Variants in ZC4H2 observed in about 807,000 individuals in gnomAD.
The protein encoded by ZC4H2 is zinc finger C4H2-type containing.
For missense variants in ZC4H2, 137 were observed against 173.9 expected (o/e 0.79, Z 1.19); for synonymous variants, 84 against 66.3 (o/e 1.27, Z -1.30).
chrX:64,944,141 CTTTTTT>C (rs746540220), intron 1 of ZC4H2, among the ~76,000 whole-genome samples: 4 of 89,175 alleles, frequency 4.5e-5, no homozygotes, highest in African/African-American at 1.7e-4. Context: ...TTTCTTTTTT[CTTTTTT>C]TTTTTTTTTT....
intron 1 of ZC4H2, among the ~76,000 whole-genome samples, chrX:64,925,411 A>G (rs1164345275): frequency 8.9e-6 from 1 of 112,318 alleles, no homozygotes; most frequent in East Asian, 2.8e-4. Flanking sequence ...CCTGAATCTA[A>G]AATTAAAACA....
intron 1 of ZC4H2, among the ~76,000 whole-genome samples, chrX:64,946,426 C>T (rs1428535285): frequency 9.0e-6 from 1 of 110,891 alleles, no homozygotes; most frequent in Non-Finnish European, 1.9e-5. Flanking sequence ...GTGGGCTGCA[C>T]CCGCTGTCTA....
At chrX:64,951,513 T>C (rs1930834212) in intron 1 of ZC4H2, among the ~76,000 whole-genome samples, 2 of 112,332 alleles carry the variant, frequency 1.8e-5, no homozygotes, top group Admixed American at 9.4e-5. Context: ...TGAGATGGTA[T>C]CTCAATTTGG....
intron 1 of ZC4H2, among the ~76,000 whole-genome samples, chrX:64,937,694 A>C (rs1266730593): frequency 1.8e-5 from 2 of 111,980 alleles, no homozygotes; most frequent in African/African-American, 6.5e-5. Flanking sequence ...CTAGGTAATT[A>C]ATGAAATGAA....
At chrX:65,017,351 A>G (rs1399354925) in intron 1 of ZC4H2, among the ~76,000 whole-genome samples, 4 of 112,532 alleles carry the variant, frequency 3.6e-5, no homozygotes, top group Non-Finnish European at 7.5e-5. Context: ...GAAATTATGC[A>G]TAGCTACAAT....
chrX:64,930,609 T>C (rs1268075292), intron 1 of ZC4H2, among the ~76,000 whole-genome samples: 1 of 112,343 alleles, frequency 8.9e-6, no homozygotes, highest in African/African-American at 3.2e-5. Context: ...TTTTTCTGCA[T>C]CTATTGAGCT....
At chrX:64,946,693 AATAG>A (rs772491297) in intron 1 of ZC4H2, among the ~76,000 whole-genome samples, 28 of 111,287 alleles carry the variant, frequency 2.5e-4, no homozygotes, top group African/African-American at 6.9e-4. Context: ...TGGATAGATA[AATAG>A]ATAGATAGAT....
At chrX:65,031,105 A>C (rs1932929842) in intron 1 of ZC4H2, among the ~76,000 whole-genome samples, 1 of 111,357 alleles carries the variant, frequency 9.0e-6, no homozygotes, top group African/African-American at 3.3e-5. Flanking sequence ...TATCATGAAA[A>C]ATTTTCTTTA....
rs780131892 is a variant in ZC4H2, at chrX:64,944,751, A to G, written c.54-22763T>C. ...AGATTTAGTCTTTTCACATAGTCCC[A>G]TATTTCTTGGAGGCTTTGTTCGCTC... On this transcript the variant is annotated intron_variant, in intron 1 of 4. Coordinates refer to ENST00000374839, the MANE Select transcript of ZC4H2 (RefSeq NM_018684.4). 3.0e-4 allele frequency among the ~76,000 whole-genome samples: 33 copies of G among 111,112 alleles called. 1 individual carries two copies. The South Asian group carries it at 0.012, about 42-fold the overall frequency.
upstream of ZC4H2, among the ~76,000 whole-genome samples, chrX:64,980,942 A>G (rs12395322): frequency 0.23 from 25,865 of 110,450 alleles, 7,394 homozygotes; most frequent in African/African-American, 0.81. Flanking sequence ...GGACAGAATG[A>G]TGGCAGGAGG....
In ZC4H2 at chrX:64,917,649, A is replaced by G; in HGVS notation, c.*134T>C. Reference sequence around the variant, plus strand: ...GAAAGAAATAGGAGCAAAGTGAGAGAGGGGTTGTGCTTCCATCACATTAAA... The same window carrying G: ...GAAAGAAATAGGAGCAAAGTGAGAGGGGGGTTGTGCTTCCATCACATTAAA... On this transcript the variant is annotated 3_prime_UTR_variant, in exon 5 of 5. Coordinates refer to ENST00000374839, the MANE Select transcript of ZC4H2 (RefSeq NM_018684.4). 2.2e-6 allele frequency: 2 copies of G among 915,518 alleles called. No homozygotes were observed. The highest frequency in any genetic ancestry group is 3.0e-6 in the Non-Finnish European group (2 of 673,207). The allele number at this position is 915,518 out of a possible 1,213,427, so 75.4% of individuals were successfully genotyped here.
chrX:65,009,660 A>C (rs1932727817), intron 1 of ZC4H2, among the ~76,000 whole-genome samples: 3 of 112,208 alleles, frequency 2.7e-5, no homozygotes, highest in Non-Finnish European at 5.6e-5. Flanking sequence ...GTATTATGAA[A>C]GATTCAGGTT....
chrX:64,960,482 T>C (rs1280266922), intron 1 of ZC4H2, among the ~76,000 whole-genome samples: 1 of 111,369 alleles, frequency 9.0e-6, no homozygotes. Flanking sequence ...CTATTTCCAA[T>C]AGCCAAGGTA....
chrX:65,027,690 G>A (rs1173832215), intron 1 of ZC4H2, among the ~76,000 whole-genome samples: 1 of 111,535 alleles, frequency 9.0e-6, no homozygotes, highest in Non-Finnish European at 1.9e-5. Context: ...ATCCACTCTT[G>A]GGATTAGATC....
intron 1 of ZC4H2, among the ~76,000 whole-genome samples, chrX:64,969,369 G>C (rs936708256): frequency 8.9e-5 from 10 of 111,970 alleles, no homozygotes; most frequent in African/African-American, 2.9e-4. Context: ...AGTTTCAGAG[G>C]TGACTCAGCC....
At chrX:64,919,694 G>A (rs1459739062) in intron 3 of ZC4H2, 1 of 151,227 alleles carries the variant, frequency 6.6e-6, no homozygotes, top group Non-Finnish European at 1.3e-5. Context: ...TGAAGACCAG[G>A]AAAGCTCAGT....
At chrX:64,924,673 G>T (rs1051000211) in intron 1 of ZC4H2, among the ~76,000 whole-genome samples, 30 of 111,440 alleles carry the variant, frequency 2.7e-4, no homozygotes, top group Non-Finnish European at 5.7e-5. Flanking sequence ...ATAGGAGTTC[G>T]CTGGTGAGTG....
chrX:64,973,979 C>A (rs985826172), intron 1 of ZC4H2, among the ~76,000 whole-genome samples: 3 of 111,108 alleles, frequency 2.7e-5, no homozygotes, highest in Admixed American at 9.5e-5. Context: ...TTGGTGTTTG[C>A]TCCTCTTCTT....
At chrX:64,937,020 A>T (rs1319802010) in intron 1 of ZC4H2, among the ~76,000 whole-genome samples, 2 of 110,682 alleles carry the variant, frequency 1.8e-5, no homozygotes, top group Admixed American at 9.7e-5. Flanking sequence ...TATTCAGGGG[A>T]CCCATCTCAC....
Sources: allele counts gnomAD v4.1 joint callset (sites outside exome capture counted in the v4.1 genomes callset), GRCh38; gene constraint gnomAD v4.1.1; transcripts MANE v1.5; gene names NCBI Gene and HGNC (gene_info 2026-07-23, HGNC 2026-07-21).